TESK2: variants seen among roughly 807,000 people sequenced by gnomAD.
TESK2 encodes testis associated actin remodelling kinase 2.
In TESK2, 39 loss-of-function variants were observed where a neutral mutation model predicts 57.1. The observed-to-expected ratio is 0.68, with a 90% CI of 0.53 to 0.89. The LOEUF is 0.89. TESK2 is among the 40% of genes least tolerant of loss of function. The pLI, the probability that TESK2 is intolerant of heterozygous loss-of-function variation, is 0.00. For synonymous variants in TESK2, 249 were observed against 267.9 expected (o/e 0.93, Z 0.69); for missense variants, 646 against 732.1 (o/e 0.88, Z 1.36).
At chr1:45,396,805 GTTT>G (rs55739766) in intron 3 of TESK2, among the ~76,000 whole-genome samples, 7 of 73,574 alleles carry the variant, frequency 9.5e-5, no homozygotes, top group African/African-American at 3.1e-4. Context: ...CAGCTAAGTT[GTTT>G]TTTTTTTTTT....
At chr1:45,365,179 G>C (rs888427285) in intron 4 of TESK2, among the ~76,000 whole-genome samples, 1 of 152,130 alleles carries the variant, frequency 6.6e-6, no homozygotes, top group African/African-American at 2.4e-5. Context: ...TGCCCTGTGG[G>C]AGGCTTGTGC....
At chr1:45,483,277 T>C (rs1653309438) in intron 1 of TESK2, among the ~76,000 whole-genome samples, 1 of 141,756 alleles carries the variant, frequency 7.1e-6, no homozygotes. Flanking sequence ...AGAGACTTCG[T>C]CTCAAAAAAA....
At chr1:45,455,619 A>G (rs1450199023) in intron 2 of TESK2, among the ~76,000 whole-genome samples, 1 of 152,190 alleles carries the variant, frequency 6.6e-6, no homozygotes, top group Non-Finnish European at 1.5e-5. Flanking sequence ...TTAACGTTTC[A>G]TGGGTACAGA....
chr1:45,467,733 T>C (rs1050502467), intron 1 of TESK2, among the ~76,000 whole-genome samples: 2 of 152,088 alleles, frequency 1.3e-5, no homozygotes, highest in African/African-American at 2.4e-5. Flanking sequence ...AGCATGCCAG[T>C]GTGCAAGCCA....
chr1:45,458,022 C>G (rs370712496), intron 1 of TESK2, among the ~76,000 whole-genome samples, 151 bp from the exon 2 acceptor site: 1 of 152,154 alleles, frequency 6.6e-6, no homozygotes, highest in Admixed American at 6.5e-5. Flanking sequence ...TCAAATAACA[C>G]TGATATATTT....
rs1383800107 is a variant in TESK2 at position 45,388,841 on chromosome 1, C to CT, written c.345-2882dup. Among the ~76,000 whole-genome samples the CT allele has an allele frequency of 2.6e-5, 4 of 151,930 alleles. No individual in the cohort carries two copies. The South Asian group carries it at 8.3e-4, about 32-fold the overall frequency. On this transcript the variant is annotated intron_variant, in intron 3 of 10. Coordinates refer to ENST00000372086, the MANE Select transcript of TESK2 (RefSeq NM_007170.3). The stretch of plus-strand genomic sequence containing the variant: ...GTTCACGCCATTCTCCTGCCTCAGC[C>CT]TCCCAAGTAGCTGGGACTACAGGCG...
chr1:45,377,204 A>G (rs547324972), intron 4 of TESK2, among the ~76,000 whole-genome samples: 1 of 152,174 alleles, frequency 6.6e-6, no homozygotes, highest in South Asian at 2.1e-4. Context: ...TAGGTGACAG[A>G]GCAGCAAGAC....
intron 3 of TESK2, among the ~76,000 whole-genome samples, chr1:45,417,008 G>A (rs948566197): frequency 1.3e-5 from 2 of 151,664 alleles, no homozygotes; most frequent in Non-Finnish European, 2.9e-5. Flanking sequence ...GGATGGTCTC[G>A]ATCTCTTGAC....
intron 2 of TESK2, among the ~76,000 whole-genome samples, chr1:45,434,504 G>A (rs572066763): frequency 6.6e-6 from 1 of 150,620 alleles, no homozygotes; most frequent in African/African-American, 2.4e-5. Context: ...CTTTTTGATG[G>A]TAGCCATTCT....
chr1:45,471,250 G>C, intron 1 of TESK2, among the ~76,000 whole-genome samples: 1 of 151,968 alleles, frequency 6.6e-6, no homozygotes, highest in East Asian at 1.9e-4. Context: ...AAGCGGAGGA[G>C]CCAGAATTCA....
In TESK2 at chr1:45,344,423, C is replaced by T. The variant is rs747364828; in HGVS notation, c.*417G>A. On this transcript the variant is annotated 3_prime_UTR_variant, in exon 11 of 11. Transcript: ENST00000372086. ...GTCTGGGAAACAGCCATGACCATTACGGCCTCTTGATCAGCTCCATGTTCC... is the reference window on the plus strand; with the variant it reads ...GTCTGGGAAACAGCCATGACCATTATGGCCTCTTGATCAGCTCCATGTTCC... 20 of 178,578 alleles carry T rather than the reference C, an allele frequency of 1.1e-4. No homozygotes were observed. Among genetic ancestry groups the T allele is most frequent in the South Asian group, 4.1e-4 (3 of 7,246 alleles). The allele number at this position is 178,578 out of a possible 1,614,324, so 11.1% of individuals were successfully genotyped here. A position where few individuals can be genotyped will look rare whatever the true frequency, so the allele number is the denominator to read the frequency against.
intron 3 of TESK2, chr1:45,413,764 C>G: frequency 2.2e-6 from 1 of 450,642 alleles, no homozygotes; most frequent in Non-Finnish European, 4.5e-6. Context: ...CCGGGGCCAG[C>G]ACCTGAGAAG....
At chr1:45,459,061 G>A (rs1024860600) in intron 1 of TESK2, among the ~76,000 whole-genome samples, 1 of 152,158 alleles carries the variant, frequency 6.6e-6, no homozygotes, top group Non-Finnish European at 1.5e-5. Flanking sequence ...GAATCCCAGG[G>A]CCATCTTAGT....
At chr1:45,438,238 G>T (rs978400280) in intron 2 of TESK2, among the ~76,000 whole-genome samples, 67 of 152,340 alleles carry the variant, frequency 4.4e-4, no homozygotes, top group South Asian at 8.3e-4. Context: ...GCTCACGCCT[G>T]TAATCCCAGC....
At chr1:45,386,362 AAAAG>A (rs1648895185) in intron 3 of TESK2, among the ~76,000 whole-genome samples, 1 of 149,408 alleles carries the variant, frequency 6.7e-6, no homozygotes, top group Non-Finnish European at 1.5e-5. Flanking sequence ...AAAAAAAAAA[AAAAG>A]AGACTGCATC....
At chr1:45,367,403 CTTT>C (rs751005757) in intron 4 of TESK2, among the ~76,000 whole-genome samples, 5 of 141,632 alleles carry the variant, frequency 3.5e-5, no homozygotes, top group Admixed American at 7.1e-5. Context: ...CCTCGTTCTC[CTTT>C]TTTTTTTTTT....
intron 2 of TESK2, among the ~76,000 whole-genome samples, chr1:45,426,809 A>G (rs1394083966): frequency 1.3e-5 from 2 of 152,206 alleles, no homozygotes; most frequent in Non-Finnish European, 2.9e-5. Flanking sequence ...ACATTTCTCA[A>G]AAGAAGACAT....
intron 3 of TESK2, among the ~76,000 whole-genome samples, chr1:45,386,539 AAG>A (rs1648905625): frequency 6.6e-6 from 1 of 151,956 alleles, no homozygotes; most frequent in South Asian, 2.1e-4. Flanking sequence ...TAATTATTTC[AAG>A]AGTTTTAGGG....
chr1:45,428,591 C>T (rs552056082), intron 2 of TESK2, among the ~76,000 whole-genome samples: 3 of 152,034 alleles, frequency 2.0e-5, no homozygotes, highest in African/African-American at 7.2e-5. Context: ...CAGCCTCCCC[C>T]TCCTGAGATC....
Sources: gnomAD v4.1 joint callset for allele counts (sites outside exome capture counted in the v4.1 genomes callset) on GRCh38, gnomAD v4.1.1 for gene constraint, MANE v1.5 for transcripts, NCBI Gene and HGNC (gene_info 2026-07-23, HGNC 2026-07-21) for gene names.